Variants in PPP2R5C observed in about 807,000 individuals in gnomAD.
PPP2R5C encodes protein phosphatase 2 regulatory subunit B'gamma, also known as serine/threonine-protein phosphatase 2A 56 kDa regulatory subunit gamma isoform.
Under a neutral mutation model 68.9 loss-of-function variants are expected in PPP2R5C, and 7 were observed. The observed-to-expected ratio is 0.10, with a 90% CI of 0.06 to 0.19. PPP2R5C has a LOEUF of 0.19. Ranked by LOEUF, PPP2R5C falls within the 10% of genes least tolerant of loss-of-function variation. The pLI is 1.00. For missense variants in PPP2R5C, 348 were observed against 641.3 expected (o/e 0.54, Z 4.94); for synonymous variants, 210 against 222.2 (o/e 0.95, Z 0.49).
intron 2 of PPP2R5C, among the ~76,000 whole-genome samples, chr14:101,770,045 G>T (rs1240587684): frequency 1.3e-5 from 2 of 152,144 alleles, no homozygotes; most frequent in Non-Finnish European, 2.9e-5. Flanking sequence ...ACAATGGCAA[G>T]AATTTGTATA....
chr14:101,829,353 CCTT>C (rs1401268680), intron 1 of PPP2R5C, among the ~76,000 whole-genome samples: 14 of 152,166 alleles, frequency 9.2e-5, no homozygotes, highest in Non-Finnish European at 1.6e-4. Flanking sequence ...TCTCCTGCTT[CCTT>C]CTTCAATCTC....
chr14:101,908,024 T>C (rs776594614), intron 10 of PPP2R5C, among the ~76,000 whole-genome samples: 11 of 152,212 alleles, frequency 7.2e-5, no homozygotes, highest in Admixed American at 2.6e-4. Context: ...TTGGTTCACA[T>C]TCCTGCCTTC....
In PPP2R5C at chr14:101,882,049, G is replaced by C; in HGVS notation, c.295-112G>C. 1.2e-6 allele frequency: 1 copy of C among 837,050 alleles called. No individual in the cohort carries two copies. The highest frequency in any genetic ancestry group is 1.9e-5 in the South Asian group (1 of 51,392). The allele number at this position is 837,050 out of a possible 1,614,324, so 51.9% of individuals were successfully genotyped here. On this transcript the variant is annotated intron_variant, in intron 2 of 13. Transcript: ENST00000334743. The surrounding 1 kb of genome is among the most constrained non-coding windows in gnomAD (Gnocchi z 4.9). ...TTCTGCGTTTTGAGGATACGGAGGA[G>C]CTAAGTTACCATGGGAAGCGGCTAC...
chr14:101,897,337 G>A (rs149544556), intron 8 of PPP2R5C, among the ~76,000 whole-genome samples: 19 of 151,956 alleles, frequency 1.3e-4, no homozygotes, highest in African/African-American at 4.6e-4. Context: ...TTCTCCAGTG[G>A]TTACATGCCC....
At chr14:101,771,222 CGTGTGTGTGTGTGTGTGT>C (rs3993402) in intron 2 of PPP2R5C, among the ~76,000 whole-genome samples, 7 of 135,484 alleles carry the variant, frequency 5.2e-5, no homozygotes, top group Admixed American at 1.5e-4. Flanking sequence ...TTCTTCATCT[CGTGTGTGTGTGTGTGTGT>C]GTGTGTGTGT....
chr14:101,897,646 C>A (rs958434278), intron 8 of PPP2R5C, among the ~76,000 whole-genome samples: 1 of 151,848 alleles, frequency 6.6e-6, no homozygotes, highest in African/African-American at 2.4e-5. Context: ...TAGGTGGTGC[C>A]CACCCCCATT....
At position 101,906,486 on chromosome 14, in the gene PPP2R5C, A is replaced by T. The variant is rs1478110278; in HGVS notation, c.1108A>T (p.Met370Leu). 1 of 1,613,616 alleles carries T rather than the reference A, an allele frequency of 6.2e-7. No individual in the cohort carries two copies. Among genetic ancestry groups the T allele is most frequent in the African/African-American group, 1.3e-5 (1 of 74,914 alleles). Residue 370 changes from methionine to leucine, a missense_variant, in exon 10 of 14, where the codon ATG becomes TTG. Coordinates refer to ENST00000334743, the Ensembl canonical transcript of PPP2R5C. This position sits in a 1 kb window ranked among gnomAD's most constrained non-coding sequence, Gnocchi z 4.0. ...CAACGCAGCGAAGATTCTGCCCATC[A>T]TGTTTCCTTCCTTGTACCGCAACTC...
chr14:101,868,143 A>T (rs908768707), intron 2 of PPP2R5C, among the ~76,000 whole-genome samples: 6 of 152,224 alleles, frequency 3.9e-5, no homozygotes, highest in African/African-American at 1.4e-4. Flanking sequence ...GGGAGAGGAA[A>T]GAATGTGTTG....
chr14:101,901,490 C>T (rs1297050155), intron 8 of PPP2R5C, among the ~76,000 whole-genome samples: 1 of 152,192 alleles, frequency 6.6e-6, no homozygotes, highest in African/African-American at 2.4e-5. Flanking sequence ...TGTGACCCAT[C>T]TCTAAATAAA....
intron 2 of PPP2R5C, chr14:101,765,734 A>AT (rs544989366): frequency 0.02 from 2,319 of 114,970 alleles, 4 homozygotes; most frequent in East Asian, 0.031. Flanking sequence ...TGCCCAGCTA[A>AT]TTTTTTTTTT....
chr14:101,864,310 C>A (rs969368234), intron 2 of PPP2R5C, among the ~76,000 whole-genome samples: 2 of 152,114 alleles, frequency 1.3e-5, no homozygotes, highest in Admixed American at 6.5e-5. Flanking sequence ...GTGGACCTCT[C>A]CAGAAATATC....
chr14:101,926,187 A>G (rs1343022793), exon 14 of PPP2R5C: 1 of 152,282 alleles, frequency 6.6e-6, no homozygotes, highest in Non-Finnish European at 1.5e-5. Context: ...ATTTTGAGTT[A>G]AGCCAGTTCT....
intron 2 of PPP2R5C, among the ~76,000 whole-genome samples, chr14:101,778,903 T>TA (rs1238651906): frequency 6.6e-6 from 1 of 151,886 alleles, no homozygotes; most frequent in Non-Finnish European, 1.5e-5. Context: ...CTACAAAAAA[T>TA]ACAAAAATTA....
chr14:101,907,838 T>C (rs943565164), intron 10 of PPP2R5C, among the ~76,000 whole-genome samples: 14 of 152,142 alleles, frequency 9.2e-5, no homozygotes, highest in African/African-American at 3.4e-4. Context: ...AGGCTGCAGG[T>C]GGCACTGCCT....
At chr14:101,895,538 A>G (rs1175789762) in intron 8 of PPP2R5C, among the ~76,000 whole-genome samples, 1 of 152,140 alleles carries the variant, frequency 6.6e-6, no homozygotes, top group East Asian at 1.9e-4. Context: ...TGACTATTCT[A>G]GGTACCTTAT....
intron 2 of PPP2R5C, among the ~76,000 whole-genome samples, chr14:101,783,364 C>G (rs577084990): frequency 1.3e-5 from 2 of 149,794 alleles, no homozygotes; most frequent in Admixed American, 1.3e-4. Context: ...GACAATGTCT[C>G]ATGCGGAGAG....
intron 13 of PPP2R5C, chr14:101,922,075 T>C (rs903104710): frequency 1.0e-6 from 1 of 985,284 alleles, no homozygotes; most frequent in Non-Finnish European, 1.2e-6. Flanking sequence ...ACTCAACGTG[T>C]AGAGCACATT....
Position 101,819,456 on chromosome 14 carries a change from G to A in PPP2R5C, c.94+9420G>A, listed in dbSNP as rs536053781. 46 of 190,018 alleles carry A rather than the reference G, an allele frequency of 2.4e-4. No homozygotes were observed. The South Asian group carries it at 5.4e-3, about 22-fold the overall frequency. The allele number at this position is 190,018 out of a possible 1,614,324, so 11.8% of individuals were successfully genotyped here. A position where few individuals can be genotyped will look rare whatever the true frequency, so the allele number is the denominator to read the frequency against. ...CCTTTCTTTCATCGAGCAGGACAGC[G>A]GTGTTCAGCTAGCAACACACCAGTC... On this transcript the variant is annotated intron_variant, in intron 1 of 13. Coordinates refer to ENST00000334743, the Ensembl canonical transcript of PPP2R5C.
At position 101,901,837 on chromosome 14, in the gene PPP2R5C, T is replaced by C. The variant is rs2045711027; in HGVS notation, c.971T>C (p.Met324Thr). Residue 324 changes from methionine to threonine, a missense_variant, in exon 9 of 14, where the codon ATG becomes ACG. Physicochemically the swap from Met to Thr is moderately conservative, Grantham distance 81 (BLOSUM62 -1). Around this residue, in one of 4 missense-constraint regions of PPP2R5C, gnomAD observed 101 missense variants for 209.8 expected, o/e 0.48. Transcript: ENST00000334743. Reference sequence around the variant, plus strand: ...GAACCATCAGAATTTGTGAAGATCATGGAACCCCTCTTCCGGCAGTTGGCC... The same window carrying C: ...GAACCATCAGAATTTGTGAAGATCACGGAACCCCTCTTCCGGCAGTTGGCC... 1.9e-5 allele frequency: 30 copies of C among 1,614,092 alleles called. No homozygotes were observed. Among genetic ancestry groups the C allele is most frequent in the Non-Finnish European group, 2.5e-5 (30 of 1,180,040 alleles).
Sources: allele counts gnomAD v4.1 joint callset (sites outside exome capture counted in the v4.1 genomes callset), GRCh38; gene constraint gnomAD v4.1.1; regional missense constraint gnomAD v4.1.1; non-coding constraint Gnocchi (gnomAD v3.1); transcripts MANE v1.5; gene names NCBI Gene and HGNC (gene_info 2026-07-23, HGNC 2026-07-21).